Variants in IQGAP2 observed in about 807,000 individuals in gnomAD.
The protein encoded by IQGAP2 is ras GTPase-activating-like protein IQGAP2.
Under a neutral mutation model 201.3 loss-of-function variants are expected in IQGAP2, and 173 were observed. The observed-to-expected ratio is 0.86, with a 90% CI of 0.76 to 0.98. IQGAP2 has a LOEUF of 0.98. Among genes scored for constraint, IQGAP2 ranks in the 50% least tolerant of loss-of-function variants. The pLI is 0.00. For synonymous variants in IQGAP2, 675 were observed against 673.9 expected (o/e 1.00, Z -0.03); for missense variants, 1,687 against 1,864.8 (o/e 0.90, Z 1.76).
At chr5:76,509,928 C>T (rs1757852480) in intron 2 of IQGAP2, among the ~76,000 whole-genome samples, 2 of 150,586 alleles carry the variant, frequency 1.3e-5, no homozygotes, top group African/African-American at 2.4e-5. Context: ...TTATGGGAAA[C>T]AATATTTAGA....
intron 2 of IQGAP2, among the ~76,000 whole-genome samples, chr5:76,554,541 G>A (rs1317399690): frequency 2.0e-5 from 3 of 152,040 alleles, no homozygotes; most frequent in Non-Finnish European, 4.4e-5. Flanking sequence ...TATATAAATG[G>A]GCTATATGCA....
intron 2 of IQGAP2, among the ~76,000 whole-genome samples, chr5:76,543,648 A>G (rs754909122): frequency 6.6e-5 from 10 of 152,022 alleles, no homozygotes; most frequent in Non-Finnish European, 1.2e-4. Context: ...GCATCCATCA[A>G]TCTCTTCTTA....
chr5:76,411,562 T>A (rs777014075), intron 1 of IQGAP2, among the ~76,000 whole-genome samples: 1 of 152,134 alleles, frequency 6.6e-6, no homozygotes, highest in East Asian at 1.9e-4. Flanking sequence ...GGGTTAATGT[T>A]ATTGTGAGAG....
At chr5:76,457,912 C>T (rs1361046025) in intron 1 of IQGAP2, among the ~76,000 whole-genome samples, 1 of 152,230 alleles carries the variant, frequency 6.6e-6, no homozygotes, top group Non-Finnish European at 1.5e-5. Flanking sequence ...CATCAGAAAG[C>T]TGTGTTCTTC....
intron 1 of IQGAP2, among the ~76,000 whole-genome samples, chr5:76,454,832 A>C (rs1396473345): frequency 6.7e-6 from 1 of 150,094 alleles, no homozygotes; most frequent in Non-Finnish European, 1.5e-5. Flanking sequence ...TGGGTCAAAT[A>C]GTATTTCTAG....
At chr5:76,516,433 T>C (rs1758326117) in intron 2 of IQGAP2, among the ~76,000 whole-genome samples, 1 of 152,220 alleles carries the variant, frequency 6.6e-6, no homozygotes, top group Non-Finnish European at 1.5e-5. Context: ...TAACAAAACT[T>C]AAGTCAACTT....
At chr5:76,702,212 G>A (rs958909732) in intron 34 of IQGAP2, among the ~76,000 whole-genome samples, 1 of 152,164 alleles carries the variant, frequency 6.6e-6, no homozygotes, top group Non-Finnish European at 1.5e-5. Context: ...TTATGCTCTT[G>A]AAGAGCAAGG....
At chr5:76,659,418 A>T (rs1243073764) in intron 21 of IQGAP2, among the ~76,000 whole-genome samples, 1 of 152,214 alleles carries the variant, frequency 6.6e-6, no homozygotes, top group African/African-American at 2.4e-5. Flanking sequence ...ACAGCTACAG[A>T]TTATGAGGGC....
intron 1 of IQGAP2, among the ~76,000 whole-genome samples, chr5:76,410,888 C>T (rs1027896662): frequency 6.6e-6 from 1 of 152,210 alleles, no homozygotes; most frequent in Non-Finnish European, 1.5e-5. Context: ...TTTTACTAAG[C>T]TCTAATTGGA....
At chr5:76,699,990 CTAAA>C (rs1409571631) in intron 33 of IQGAP2, among the ~76,000 whole-genome samples, 1 of 149,448 alleles carries the variant, frequency 6.7e-6, no homozygotes, top group African/African-American at 2.5e-5. Flanking sequence ...CAAAAATACA[CTAAA>C]TATGTATATA....
At chr5:76,442,440 T>C (rs1753099285) in intron 1 of IQGAP2, among the ~76,000 whole-genome samples, 1 of 152,194 alleles carries the variant, frequency 6.6e-6, no homozygotes. Flanking sequence ...TGAATAGTTA[T>C]AGAAGTGAAT....
chr5:76,444,963 A>G (rs115871317), intron 1 of IQGAP2, among the ~76,000 whole-genome samples: 1,890 of 152,358 alleles, frequency 0.012, 17 homozygotes, highest in Non-Finnish European at 0.019. Flanking sequence ...GAATTAGACC[A>G]GAGAGATACC....
At chr5:76,683,068 T>G in intron 28 of IQGAP2, 47 bp from the exon 29 acceptor site, 8 of 1,186,960 alleles carry the variant, frequency 6.7e-6, no homozygotes, top group Non-Finnish European at 8.6e-6. Context: ...ATGGTACAGT[T>G]GAGAATTTAC....
intron 2 of IQGAP2, among the ~76,000 whole-genome samples, chr5:76,470,784 C>T (rs1389678152): frequency 2.0e-5 from 3 of 152,060 alleles, no homozygotes; most frequent in African/African-American, 7.2e-5. Flanking sequence ...TAAAATAATA[C>T]TAAATGGACT....
intron 2 of IQGAP2, among the ~76,000 whole-genome samples, chr5:76,496,765 C>CT (rs754861584): frequency 0.011 from 816 of 71,900 alleles, 17 homozygotes; most frequent in African/African-American, 0.021. Context: ...TTCTTTCTTT[C>CT]TTTCTTTCTT....
intron 17 of IQGAP2, among the ~76,000 whole-genome samples, chr5:76,646,574 C>A (rs1196408299): frequency 6.6e-6 from 1 of 152,148 alleles, no homozygotes; most frequent in Admixed American, 6.5e-5. Context: ...GATAATAATT[C>A]ATCTTCCTGT....
intron 33 of IQGAP2, among the ~76,000 whole-genome samples, chr5:76,698,845 T>C (rs1202135670): frequency 6.6e-6 from 1 of 152,188 alleles, no homozygotes; most frequent in African/African-American, 2.4e-5. Flanking sequence ...GCATTAATCA[T>C]AGATCTTTTA....
At position 76,673,956 on chromosome 5, in the gene IQGAP2, G is replaced by A; in HGVS notation, c.3214G>A (p.Gly1072Arg). Residue 1072 changes from glycine (G) to arginine (R), a missense_variant, in exon 26 of 36, where the codon GGA (glycine) becomes AGA (arginine). By Grantham distance (125) the Gly-to-Arg change is moderately radical. Transcript: ENST00000274364. ...TGTCATCTGTTTTATATGTAGTTAT[G>A]GATTGAGGTATATAGCCAAAGTACT... ...IISSLDLLPY[G>R]LRYIAKVLKN... The A allele has an allele frequency of 6.4e-7, 1 of 1,563,682 alleles. No individual in the cohort carries two copies. The highest frequency in any genetic ancestry group is 8.8e-7 in the Non-Finnish European group (1 of 1,134,720).
At chr5:76,406,973 T>C (rs1414052729) in intron 1 of IQGAP2, among the ~76,000 whole-genome samples, 1 of 152,106 alleles carries the variant, frequency 6.6e-6, no homozygotes, top group Non-Finnish European at 1.5e-5. Flanking sequence ...AGATTCTGGT[T>C]GAGCATTATT....
Sources: gnomAD v4.1 joint callset for allele counts (sites outside exome capture counted in the v4.1 genomes callset) on GRCh38, gnomAD v4.1.1 for gene constraint, MANE v1.5 for transcripts, NCBI Gene and HGNC (gene_info 2026-07-23, HGNC 2026-07-21) for gene names.